PCCB: variants seen among roughly 807,000 people sequenced by gnomAD.
PCCB encodes the protein propionyl-CoA carboxylase beta chain, mitochondrial.
Under a neutral mutation model 60.7 loss-of-function variants are expected in PCCB, and 43 were observed. The ratio of observed to expected loss-of-function variants is 0.71; its 90% CI spans 0.55 to 0.91. The LOEUF (loss-of-function observed/expected upper bound fraction) is 0.91. Ranked by LOEUF, PCCB falls within the 40% of genes least tolerant of loss-of-function variation. The pLI, the probability that PCCB is intolerant of heterozygous loss-of-function variation, is 0.00. For synonymous variants in PCCB, 276 were observed against 255.9 expected, an observed-to-expected ratio of 1.08 and a Z score of -0.75; for missense variants, 766 against 702.8, an observed-to-expected ratio of 1.09 and a Z score of -1.02.
At chr3:136,259,078 A>G (rs1012500608) in intron 3 of PCCB, 66 of 1,182,620 alleles carry the variant, frequency 5.6e-5, no homozygotes, top group Non-Finnish European at 6.4e-5. Flanking sequence ...GGTTATGCCC[A>G]CAATAAGCCC....
At chr3:136,253,082 GTTT>G (rs59099393) in intron 1 of PCCB, among the ~76,000 whole-genome samples, 2 of 71,484 alleles carry the variant, frequency 2.8e-5, no homozygotes, top group Admixed American at 2.1e-4. Flanking sequence ...AGCAATGGAG[GTTT>G]TTTTTTTTTT....
intron 8 of PCCB, among the ~76,000 whole-genome samples, chr3:136,299,903 T>C (rs1476448564): frequency 6.6e-6 from 1 of 151,952 alleles, no homozygotes. Context: ...TGCGTACATA[T>C]GTATGCATGT....
At chr3:136,325,518 G>A (rs1016939697) in intron 10 of PCCB, among the ~76,000 whole-genome samples, 7 of 151,570 alleles carry the variant, frequency 4.6e-5, no homozygotes, top group African/African-American at 1.7e-4. Context: ...AACCACGCCT[G>A]GCTAATTTTT....
chr3:136,269,158 GTAAT>G (rs1942119136), intron 5 of PCCB, among the ~76,000 whole-genome samples: 1 of 152,146 alleles, frequency 6.6e-6, no homozygotes, highest in Admixed American at 6.5e-5. Flanking sequence ...GTGCATGCCT[GTAAT>G]CCCAGCTACT....
chr3:136,299,543 TAG>T (rs1426923805), intron 8 of PCCB, among the ~76,000 whole-genome samples: 13 of 123,242 alleles, frequency 1.1e-4, no homozygotes, highest in Non-Finnish European at 1.7e-4. Context: ...TGCATGTGTA[TAG>T]GTATGCATGT....
At chr3:136,250,823 A>C (rs1308412756) in intron 1 of PCCB, among the ~76,000 whole-genome samples, 4 of 152,220 alleles carry the variant, frequency 2.6e-5, no homozygotes, top group Admixed American at 2.6e-4. Flanking sequence ...CACTTAACAT[A>C]AGCTTTTGGG....
At chr3:136,284,052 C>T (rs975937543) in intron 6 of PCCB, 105 bp downstream of exon 6, 4 of 763,286 alleles carry the variant, frequency 5.2e-6, no homozygotes, top group South Asian at 2.8e-5. Flanking sequence ...CCTGCATTCT[C>T]ATTGGCTTTC....
intron 9 of PCCB, among the ~76,000 whole-genome samples, chr3:136,311,207 G>A (rs1336265981): frequency 6.6e-6 from 1 of 152,044 alleles, no homozygotes; most frequent in African/African-American, 2.4e-5. Flanking sequence ...CAATACTTGA[G>A]GAACAGGATA....
chr3:136,326,552 C>T (rs959419791), intron 10 of PCCB, among the ~76,000 whole-genome samples: 6 of 152,220 alleles, frequency 3.9e-5, no homozygotes, highest in East Asian at 1.9e-4. Context: ...TCTCAGCTGG[C>T]GGCAGCCCTT....
intron 5 of PCCB, among the ~76,000 whole-genome samples, chr3:136,272,948 G>A (rs1474724365): frequency 2.0e-5 from 3 of 152,092 alleles, no homozygotes; most frequent in Non-Finnish European, 4.4e-5. Flanking sequence ...TTTGATGTAT[G>A]TACTTAAAAC....
chr3:136,265,021 C>T lies in PCCB; in HGVS notation c.543+2956C>T, dbSNP rs191022160. ...CCAGCCTGGCCAAGATGGTGAAACC[C>T]TGTCTCTACTAAAAATACAAAAATT... is the stretch of plus-strand genomic sequence containing the variant. On this transcript the variant is annotated intron_variant, in intron 5 of 14. Transcript: ENST00000251654. Among the ~76,000 whole-genome samples, 332 of 151,856 alleles carry T rather than the reference C, an allele frequency of 2.2e-3. 7 individuals carry two copies. The East Asian group carries it at 0.047, about 21-fold the overall frequency.
At chr3:136,268,094 A>G (rs866720329) in intron 5 of PCCB, among the ~76,000 whole-genome samples, 10 of 64,290 alleles carry the variant, frequency 1.6e-4, no homozygotes, top group South Asian at 8.2e-4. Flanking sequence ...GTAGATATAT[A>G]TATATATATA....
chr3:136,321,047 A>G lies in PCCB; in HGVS notation c.1090+3983A>G, dbSNP rs568354166. Among the ~76,000 whole-genome samples, 10 of 152,262 alleles carry G rather than the reference A, an allele frequency of 6.6e-5. No individual in the cohort carries two copies. In the East Asian group the frequency reaches 1.5e-3, roughly 23 times the overall value. On this transcript the variant is annotated intron_variant, in intron 10 of 14. Coordinates refer to ENST00000251654, the MANE Select transcript of PCCB (RefSeq NM_000532.5). ...CATGAAAGGGTGTTGGATTTTGTCA[A>G]ATGCCTTTTTTGTGTCAATTGAGAT...
intron 10 of PCCB, among the ~76,000 whole-genome samples, chr3:136,324,819 G>A (rs1416769836): frequency 6.6e-6 from 1 of 152,166 alleles, no homozygotes; most frequent in East Asian, 1.9e-4. Flanking sequence ...TGTGAATGAG[G>A]TCTGCTCTGC....
chr3:136,326,890 A>T lies in PCCB; in HGVS notation c.1178A>T (p.Asp393Val), dbSNP rs1448763626. 6.2e-7 allele frequency: 1 copy of T among 1,611,270 alleles called. No individual in the cohort carries two copies. The highest frequency in any genetic ancestry group is 8.5e-7 in the Non-Finnish European group (1 of 1,177,408). ...AATATTCCACTCATCACTTTTGTTGATGTCCCTGGCTTTCTACCTGGTAAG... is the reference window on the plus strand; with the variant it reads ...AATATTCCACTCATCACTTTTGTTGTTGTCCCTGGCTTTCTACCTGGTAAG... ...AFNIPLITFVDVPGFLPGTAQ... is the reference protein window; with the variant it reads ...AFNIPLITFVVVPGFLPGTAQ... Residue 393 changes from aspartate (D) to valine (V), a missense_variant, in exon 11 of 15, where the codon GAT (aspartate) becomes GTT (valine). Coordinates refer to ENST00000251654, the MANE Select transcript of PCCB (RefSeq NM_000532.5).
intron 14 of PCCB, 142 bp from the exon 15 acceptor site, chr3:136,329,763 C>A (rs1047417630): frequency 2.8e-5 from 24 of 863,458 alleles, no homozygotes; most frequent in Non-Finnish European, 4.5e-5. Flanking sequence ...AGGGGGAATT[C>A]ACAGGGCCTA....
rs1553778916 is a variant in PCCB, at chr3:136,293,866, T to TGAGA, written c.763+4_763+7dup. On this transcript the variant is annotated splice_region_variant and intron_variant, in intron 7 of 14. Transcript: ENST00000251654. ...CCAAGACCCACACCACCATGTCAGG[T>TGAGA]GAGAGGCCTTGAAGATGACCTTGTT... The TGAGA allele has an allele frequency of 6.6e-6, 10 of 1,513,450 alleles. No individual in the cohort carries two copies. The highest frequency in any genetic ancestry group is 7.4e-6 in the Non-Finnish European group (8 of 1,088,254). The allele number at this position is 1,513,450 out of a possible 1,614,324, so 93.8% of individuals were successfully genotyped here.
At chr3:136,311,652 A>G (rs1255506041) in intron 9 of PCCB, among the ~76,000 whole-genome samples, 1 of 152,062 alleles carries the variant, frequency 6.6e-6, no homozygotes, top group Non-Finnish European at 1.5e-5. Flanking sequence ...GGGTGATCTT[A>G]AAAACACTTT....
intron 8 of PCCB, among the ~76,000 whole-genome samples, chr3:136,299,831 T>TGC (rs1934159123): frequency 6.7e-6 from 1 of 148,872 alleles, no homozygotes; most frequent in African/African-American, 2.6e-5. Context: ...TATGTATGTA[T>TGC]ATGCATGTGT....
Sources: gnomAD v4.1 joint callset for allele counts (sites outside exome capture counted in the v4.1 genomes callset) on GRCh38, gnomAD v4.1.1 for gene constraint, MANE v1.5 for transcripts, NCBI Gene and HGNC (gene_info 2026-07-23, HGNC 2026-07-21) for gene names.